WNK2: variants seen among roughly 807,000 people sequenced by gnomAD.
WNK2 encodes WNK lysine deficient protein kinase 2.
In WNK2, 67 loss-of-function variants were observed where a neutral mutation model predicts 192.1. The ratio of observed to expected loss-of-function variants is 0.35; its 90% CI spans 0.29 to 0.43. WNK2 has a LOEUF of 0.43. WNK2 is among the 20% of genes least tolerant of loss of function. WNK2 has a pLI of 1.00. For missense variants in WNK2, 2,698 were observed against 3,089.7 expected, an observed-to-expected ratio of 0.87 and a Z score of 3.01; for synonymous variants, 1,439 against 1,393.9, an observed-to-expected ratio of 1.03 and a Z score of -0.72.
At chr9:93,262,748 G>A (rs781010781) in intron 14 of WNK2, 29 bp downstream of exon 14, 1 of 1,610,142 alleles carries the variant, frequency 6.2e-7, no homozygotes, top group Non-Finnish European at 8.5e-7. Context: ...GACCTCGCAG[G>A]ACGGGTGTAG....
chr9:93,275,466 A>G (rs1184544700), intron 19 of WNK2, among the ~76,000 whole-genome samples: 1 of 152,188 alleles, frequency 6.6e-6, no homozygotes, highest in African/African-American at 2.4e-5. Flanking sequence ...TTAATTTAAA[A>G]CACACATACA....
intron 7 of WNK2, among the ~76,000 whole-genome samples, chr9:93,240,927 A>G (rs1057160957): frequency 6.6e-6 from 1 of 152,248 alleles, no homozygotes; most frequent in Non-Finnish European, 1.5e-5. Context: ...TGTCTTGAAC[A>G]ATGCAGGACG....
chr9:93,224,609 T>C (rs1837496008), intron 2 of WNK2, among the ~76,000 whole-genome samples: 1 of 152,202 alleles, frequency 6.6e-6, no homozygotes, highest in South Asian at 2.1e-4. Context: ...CAGGACCTTT[T>C]TCCTAGAGCA....
chr9:93,299,286 G>T, intron 25 of WNK2, 25 bp downstream of exon 25: 1 of 1,545,860 alleles, frequency 6.5e-7, no homozygotes, highest in South Asian at 1.2e-5. Flanking sequence ...GCCTGTCTCC[G>T]AGCATGTGCT....
At position 93,260,942 on chromosome 9, in the gene WNK2, G is replaced by A. The variant is rs57897870; in HGVS notation, c.3067-872G>A. On this transcript the variant is annotated intron_variant, in intron 12 of 29. Coordinates refer to ENST00000427277, the MANE Select transcript of WNK2 (RefSeq NM_006648.4). ...CTGGGCACAGTTAGTGGCTACAGAG[G>A]GGTGCCTTGTGACATGTGAGGGTCA... 7.9e-3 allele frequency among the ~76,000 whole-genome samples: 1,202 copies of A among 152,314 alleles called. 18 individuals carry two copies. The highest frequency in any genetic ancestry group is 0.027 in the African/African-American group (1,134 of 41,558).
chr9:93,259,654 T>G lies in WNK2; in HGVS notation c.3066+40T>G. The G allele has an allele frequency of 1.3e-6, 2 of 1,495,368 alleles. No homozygotes were observed. Among genetic ancestry groups the G allele is most frequent in the Non-Finnish European group, 1.8e-6 (2 of 1,128,870 alleles). 92.6% of individuals were successfully genotyped at this position (1,495,368 alleles called of 1,614,324 possible). A position where few individuals can be genotyped will look rare whatever the true frequency, so the allele number is the denominator to read the frequency against. ...GGCAGGGGCTCACCCTCCCAGCGTC[T>G]GGGGACCCTCAGGACCCAGAGATGC... is the stretch of plus-strand genomic sequence containing the variant. On this transcript the variant is annotated intron_variant, in intron 12 of 29. Transcript: ENST00000427277. This position sits in a 1 kb window ranked among gnomAD's most constrained non-coding sequence, Gnocchi z 4.8.
intron 26 of WNK2, among the ~76,000 whole-genome samples, chr9:93,300,944 C>T (rs1447039933): frequency 1.3e-5 from 2 of 152,232 alleles, no homozygotes; most frequent in Admixed American, 6.5e-5. Flanking sequence ...CCTCCTCCTC[C>T]AGCCAGTGGG....
chr9:93,209,592 G>A (rs560707099), intron 2 of WNK2, among the ~76,000 whole-genome samples: 2 of 152,308 alleles, frequency 1.3e-5, no homozygotes, highest in Admixed American at 6.5e-5. Flanking sequence ...GTTTTGGGGT[G>A]CGGTTGAGGA....
chr9:93,295,203 C>A (rs113550468), intron 23 of WNK2, among the ~76,000 whole-genome samples: 7 of 152,104 alleles, frequency 4.6e-5, no homozygotes, highest in Admixed American at 2.6e-4. Context: ...TCTGGGACCG[C>A]GGGAGCTGGA....
chr9:93,279,083 G>A (rs1847355941), intron 19 of WNK2, among the ~76,000 whole-genome samples: 1 of 152,158 alleles, frequency 6.6e-6, no homozygotes, highest in Non-Finnish European at 1.5e-5. Context: ...GAGGATGTCT[G>A]TTCTTCCACC....
rs776400207 is a variant in WNK2, at chr9:93,257,163, G to A, written c.2382+24G>A. On this transcript the variant is annotated intron_variant, in intron 11 of 29. Coordinates refer to ENST00000427277, the MANE Select transcript of WNK2 (RefSeq NM_006648.4). This position sits in a 1 kb window ranked among gnomAD's most constrained non-coding sequence, Gnocchi z 4.7. ...AGGTAATTCTAGGTTGATGGCTGCC[G>A]TCAGTGGTGGCGCACGCTTTGCCAG... 1.3e-5 allele frequency: 21 copies of A among 1,594,106 alleles called. No homozygotes were observed. The highest frequency in any genetic ancestry group is 2.7e-5 in the African/African-American group (2 of 73,736).
chr9:93,268,709 A>T lies in WNK2; in HGVS notation c.3996A>T (p.Pro1332=). Residue 1332 remains proline (P), a synonymous_variant, in exon 19 of 30, where the codon CCA becomes CCT. Transcript: ENST00000427277. The part of the protein sequence containing the change: ...PAPEAPESSP[P]LPLSSLPPEA... ...CCGAGGCCCCTGAATCTTCGCCCCC[A>T]CTTCCTCTAAGCTCCCTGCCGCCAG... 1 of 1,612,374 alleles carries T rather than the reference A, an allele frequency of 6.2e-7. No individual in the cohort carries two copies. Among genetic ancestry groups the T allele is most frequent in the South Asian group, 1.1e-5 (1 of 90,924 alleles).
intron 2 of WNK2, among the ~76,000 whole-genome samples, chr9:93,192,701 G>C (rs1274702964): frequency 6.6e-6 from 1 of 152,218 alleles, no homozygotes; most frequent in South Asian, 2.1e-4. Flanking sequence ...AGCAGATTCC[G>C]AGTTTTAGGT....
Position 93,320,506 on chromosome 9 carries a change from A to AT in WNK2, c.*120dup, listed in dbSNP as rs974857526. On this transcript the variant is annotated 3_prime_UTR_variant, in exon 30 of 30. Coordinates refer to ENST00000427277, the MANE Select transcript of WNK2 (RefSeq NM_006648.4). The stretch of plus-strand genomic sequence containing the variant: ...GCTGTTTTGTAACCACTTTCTAAGC[A>AT]TTTTTTATTCACAATTGGAAACACA... The AT allele has an allele frequency of 6.2e-6, 7 of 1,122,740 alleles. No individual in the cohort carries two copies. The African/African-American group carries it at 1.1e-4, about 18-fold the overall frequency. The allele number at this position is 1,122,740 out of a possible 1,614,324, so 69.5% of individuals were successfully genotyped here. A position where few individuals can be genotyped will look rare whatever the true frequency, so the allele number is the denominator to read the frequency against.
intron 2 of WNK2, among the ~76,000 whole-genome samples, chr9:93,224,997 G>A (rs888191004): frequency 2.0e-5 from 3 of 152,174 alleles, no homozygotes; most frequent in Non-Finnish European, 4.4e-5. Flanking sequence ...AGGCCAACCC[G>A]ATGTCAGCAA....
Position 93,229,644 on chromosome 9 carries a change from T to A in WNK2, c.682-52T>A. The A allele has an allele frequency of 6.3e-7, 1 of 1,577,568 alleles. No individual in the cohort carries two copies. The highest frequency in any genetic ancestry group is 8.6e-7 in the Non-Finnish European group (1 of 1,158,532). On this transcript the variant is annotated intron_variant, in intron 2 of 29. Transcript: ENST00000427277. The surrounding 1 kb of genome is among the most constrained non-coding windows in gnomAD (Gnocchi z 4.9). ...GCTGCTGGGATGTGACGCCACCGTG[T>A]CCCCTTCTGTGTCCCATCTCTTGCC...
intron 7 of WNK2, among the ~76,000 whole-genome samples, chr9:93,242,330 C>T (rs1025874880): frequency 1.3e-5 from 2 of 152,252 alleles, no homozygotes; most frequent in Admixed American, 1.3e-4. Context: ...GACCCAGACA[C>T]AGAAGCCTCT....
intron 8 of WNK2, among the ~76,000 whole-genome samples, chr9:93,251,602 C>G (rs745788618): frequency 6.6e-6 from 1 of 152,088 alleles, no homozygotes; most frequent in African/African-American, 2.4e-5. Flanking sequence ...TCTAGCTACT[C>G]AGGAGGCTGA....
intron 2 of WNK2, among the ~76,000 whole-genome samples, chr9:93,207,079 G>A (rs1392704645): frequency 1.3e-5 from 2 of 152,138 alleles, no homozygotes; most frequent in East Asian, 3.9e-4. Flanking sequence ...TGCCCCCAGA[G>A]GGTAATATCC....
Sources: allele counts gnomAD v4.1 joint callset (sites outside exome capture counted in the v4.1 genomes callset), GRCh38; gene constraint gnomAD v4.1.1; non-coding constraint Gnocchi (gnomAD v3.1); transcripts MANE v1.5; gene names NCBI Gene and HGNC (gene_info 2026-07-23, HGNC 2026-07-21).